Variants in PTPRG observed in about 807,000 individuals in gnomAD.
PTPRG encodes the protein receptor-type tyrosine-protein phosphatase gamma.
In PTPRG, 102 loss-of-function variants were observed where a neutral mutation model predicts 165.3. The observed-to-expected ratio is 0.62, with a 90% CI of 0.53 to 0.73. PTPRG has a LOEUF of 0.73. Ranked by LOEUF, PTPRG falls within the 30% of genes least tolerant of loss-of-function variation. The pLI, the probability that PTPRG is intolerant of heterozygous loss-of-function variation, is 0.00. For missense variants in PTPRG, 1,866 were observed against 1,861.4 expected (o/e 1.00, Z -0.05); for synonymous variants, 675 against 669.5 (o/e 1.01, Z -0.13).
chr3:62,031,124 T>A (rs1040070940), intron 4 of PTPRG, among the ~76,000 whole-genome samples: 1 of 152,210 alleles, frequency 6.6e-6, no homozygotes, highest in Non-Finnish European at 1.5e-5. Context: ...AAATACGTAA[T>A]CAACAAATAG....
chr3:61,948,130 G>T (rs936688110), intron 2 of PTPRG, among the ~76,000 whole-genome samples: 11 of 152,072 alleles, frequency 7.2e-5, no homozygotes, highest in African/African-American at 2.2e-4. Context: ...TTCAAGACCA[G>T]CCTAACCAAC....
At chr3:61,820,425 T>C (rs184845760) in intron 2 of PTPRG, among the ~76,000 whole-genome samples, 15 of 152,240 alleles carry the variant, frequency 9.9e-5, no homozygotes, top group Admixed American at 9.8e-4. Flanking sequence ...TGCCCACCCA[T>C]TGAGGAAGGC....
intron 2 of PTPRG, among the ~76,000 whole-genome samples, chr3:61,929,094 A>G (rs2039297092): frequency 6.6e-6 from 1 of 152,198 alleles, no homozygotes; most frequent in Non-Finnish European, 1.5e-5. Context: ...CATAACCAAA[A>G]CCAAATGCTT....
intron 5 of PTPRG, among the ~76,000 whole-genome samples, chr3:62,092,448 AAAAAAAAAAAAG>A (rs948208575): frequency 6.6e-6 from 1 of 150,458 alleles, no homozygotes; most frequent in African/African-American, 2.5e-5. Flanking sequence ...TGAAAAAAAA[AAAAAAAAAAAAG>A]AAAAAGACAA....
At position 61,920,351 on chromosome 3, in the gene PTPRG, G is replaced by A. The variant is rs533878413; in HGVS notation, c.191-69274G>A. On this transcript the variant is annotated intron_variant, in intron 2 of 29. Transcript: ENST00000474889. Reference sequence around the variant, plus strand: ...ATGAATGAGCATCTACTGAGTGTTCGGATAGTTGTAGTTCTCCATTTTGAA... The same window carrying A: ...ATGAATGAGCATCTACTGAGTGTTCAGATAGTTGTAGTTCTCCATTTTGAA... Among the ~76,000 whole-genome samples the A allele has an allele frequency of 2.6e-5, 4 of 151,472 alleles. No homozygotes were observed. The South Asian group carries it at 6.5e-4, about 25-fold the overall frequency.
chr3:62,292,849 T>C, intron 29 of PTPRG: 1 of 474,368 alleles, frequency 2.1e-6, no homozygotes, highest in Non-Finnish European at 3.7e-6. Flanking sequence ...AGGATAGTAT[T>C]CTCTGGTTAT....
At chr3:61,678,188 A>G (rs1340909156) in intron 1 of PTPRG, among the ~76,000 whole-genome samples, 1 of 152,164 alleles carries the variant, frequency 6.6e-6, no homozygotes, top group Non-Finnish European at 1.5e-5. Flanking sequence ...CCCGCAATCC[A>G]AAGGAAGATG....
intron 1 of PTPRG, among the ~76,000 whole-genome samples, chr3:61,589,310 C>G (rs934868864): frequency 2.6e-5 from 4 of 152,172 alleles, no homozygotes; most frequent in African/African-American, 9.7e-5. Context: ...GCTGCCAACT[C>G]TTACTCTAAT....
intron 1 of PTPRG, among the ~76,000 whole-genome samples, chr3:61,692,554 G>T (rs1031335262): frequency 1.7e-4 from 26 of 152,136 alleles, no homozygotes; most frequent in Non-Finnish European, 2.9e-5. Context: ...GTACAGGCGG[G>T]CTGAGTCCGA....
intron 2 of PTPRG, among the ~76,000 whole-genome samples, chr3:61,784,836 C>T (rs1487651551): frequency 6.6e-6 from 1 of 152,044 alleles, no homozygotes; most frequent in Non-Finnish European, 1.5e-5. Context: ...GAAAATTTAC[C>T]TCTCCGTCTG....
intron 1 of PTPRG, among the ~76,000 whole-genome samples, chr3:61,736,316 T>A (rs1331905989): frequency 6.6e-6 from 1 of 152,084 alleles, no homozygotes; most frequent in Non-Finnish European, 1.5e-5. Context: ...GAAGTTTTTT[T>A]TTCTTGTATG....
At chr3:61,688,297 A>G (rs1703704779) in intron 1 of PTPRG, among the ~76,000 whole-genome samples, 2 of 152,226 alleles carry the variant, frequency 1.3e-5, no homozygotes, top group Non-Finnish European at 2.9e-5. Flanking sequence ...AGTCAAAAAA[A>G]GGCTGCATGC....
intron 1 of PTPRG, among the ~76,000 whole-genome samples, chr3:61,619,163 T>G (rs1701384190): frequency 6.6e-6 from 1 of 151,450 alleles, no homozygotes; most frequent in East Asian, 1.9e-4. Context: ...TCTCAAAAAT[T>G]AAAAAAAGAA....
intron 2 of PTPRG, among the ~76,000 whole-genome samples, chr3:61,788,645 G>T (rs1045407387): frequency 6.6e-6 from 1 of 152,226 alleles, no homozygotes; most frequent in Non-Finnish European, 1.5e-5. Flanking sequence ...GATCACTGGA[G>T]TTCTAGCTAC....
At chr3:61,792,720 CTTT>C (rs2034922172) in intron 2 of PTPRG, among the ~76,000 whole-genome samples, 1 of 76,544 alleles carries the variant, frequency 1.3e-5, no homozygotes, top group Non-Finnish European at 2.7e-5. Flanking sequence ...TTCTTTCTTT[CTTT>C]CTTTCTTTCT....
intron 2 of PTPRG, among the ~76,000 whole-genome samples, chr3:61,824,198 C>A (rs1405668934): frequency 2.0e-5 from 3 of 151,968 alleles, no homozygotes. Context: ...GAACAGTTTT[C>A]CAAACCACAC....
chr3:62,153,864 AG>A (rs1704435963), intron 6 of PTPRG, among the ~76,000 whole-genome samples: 1 of 152,196 alleles, frequency 6.6e-6, no homozygotes, highest in Non-Finnish European at 1.5e-5. Context: ...CAACCCTTGA[AG>A]GAACTCACAA....
intron 1 of PTPRG, among the ~76,000 whole-genome samples, chr3:61,603,269 T>G (rs910351545): frequency 3.3e-5 from 5 of 152,054 alleles, no homozygotes; most frequent in Admixed American, 1.3e-4. Context: ...ATGCTGGAGG[T>G]GGGGCCTGGT....
intron 2 of PTPRG, chr3:61,749,632 G>C (rs1265144541): frequency 6.5e-6 from 1 of 154,306 alleles, no homozygotes; most frequent in South Asian, 2.0e-4. Flanking sequence ...GACTTTTCTG[G>C]ATTAGGCTTC....
Sources: allele counts gnomAD v4.1 joint callset (sites outside exome capture counted in the v4.1 genomes callset), GRCh38; gene constraint gnomAD v4.1.1; transcripts MANE v1.5; gene names NCBI Gene and HGNC (gene_info 2026-07-23, HGNC 2026-07-21).